Variants in RABGAP1L observed in about 807,000 individuals in gnomAD.
RABGAP1L encodes rab GTPase-activating protein 1-like.
In RABGAP1L, 63 loss-of-function variants were observed where a neutral mutation model predicts 137.7. The observed-to-expected ratio is 0.46, with a 90% CI of 0.37 to 0.56. The LOEUF (loss-of-function observed/expected upper bound fraction) is 0.56, where lower values mean the gene tolerates loss of function less well. Among genes scored for constraint, RABGAP1L ranks in the 20% least tolerant of loss-of-function variants. RABGAP1L has a pLI of 0.00. For synonymous variants in RABGAP1L, 431 were observed against 433.7 expected (o/e 0.99, Z 0.08); for missense variants, 1,095 against 1,244.0 (o/e 0.88, Z 1.80).
At chr1:174,833,225 G>A (rs868375798) in intron 19 of RABGAP1L, among the ~76,000 whole-genome samples, 12 of 150,504 alleles carry the variant, frequency 8.0e-5, no homozygotes, top group Non-Finnish European at 1.3e-4. Flanking sequence ...TCTGAGACAG[G>A]GTGTCACTCC....
At chr1:174,765,681 C>T (rs965052373) in intron 18 of RABGAP1L, among the ~76,000 whole-genome samples, 2 of 151,988 alleles carry the variant, frequency 1.3e-5, no homozygotes, top group Admixed American at 6.6e-5. Context: ...CTGGGTATTG[C>T]CTCCCATTCT....
chr1:174,361,115 C>G (rs991255862), intron 11 of RABGAP1L, among the ~76,000 whole-genome samples: 1 of 152,110 alleles, frequency 6.6e-6, no homozygotes, highest in Non-Finnish European at 1.5e-5. Flanking sequence ...CGAGATGGCA[C>G]CATTGCACAC....
chr1:174,288,864 A>G (rs143266993), intron 10 of RABGAP1L, among the ~76,000 whole-genome samples: 178 of 152,248 alleles, frequency 1.2e-3, no homozygotes, highest in African/African-American at 3.6e-3. Flanking sequence ...ATGGTGTTCC[A>G]GGTATCCTGT....
At chr1:174,530,625 G>A (rs1664306977) in intron 13 of RABGAP1L, among the ~76,000 whole-genome samples, 1 of 152,144 alleles carries the variant, frequency 6.6e-6, no homozygotes, top group African/African-American at 2.4e-5. Context: ...TCCCAGCCAA[G>A]CAGTCTGCCT....
intron 11 of RABGAP1L, among the ~76,000 whole-genome samples, chr1:174,331,439 A>G (rs1207971461): frequency 6.6e-6 from 1 of 152,226 alleles, no homozygotes; most frequent in Non-Finnish European, 1.5e-5. Flanking sequence ...TTCAATAGCA[A>G]AAAACCCCAA....
chr1:174,732,349 A>C (rs1682556481), intron 17 of RABGAP1L, among the ~76,000 whole-genome samples: 1 of 152,252 alleles, frequency 6.6e-6, no homozygotes, highest in African/African-American at 2.4e-5. Context: ...CGGAGCAGAT[A>C]GTTTAGCTTA....
intron 13 of RABGAP1L, among the ~76,000 whole-genome samples, chr1:174,608,778 C>A (rs1441470515): frequency 6.6e-6 from 1 of 152,058 alleles, no homozygotes; most frequent in African/African-American, 2.4e-5. Context: ...CCTAAAAGTA[C>A]TGTACAGACT....
chr1:174,386,221 C>T (rs1019142632), intron 12 of RABGAP1L, among the ~76,000 whole-genome samples: 1 of 152,150 alleles, frequency 6.6e-6, no homozygotes, highest in Non-Finnish European at 1.5e-5. Context: ...GTTCTAAGCA[C>T]TCTCCATGTG....
rs572812312 is a variant in RABGAP1L at position 174,662,686 on chromosome 1, G to A, written c.1825-20836G>A. Among the ~76,000 whole-genome samples the A allele has an allele frequency of 4.6e-5, 7 of 152,282 alleles. No individual in the cohort carries two copies. The South Asian group carries it at 1.5e-3, about 32-fold the overall frequency. On this transcript the variant is annotated intron_variant, in intron 14 of 25. Coordinates refer to ENST00000681986, the MANE Select transcript of RABGAP1L (RefSeq NM_001366446.1). ...TGGGATTACAGGCATTAGCCACTGT[G>A]CCCGGCCAAGAAGGCATTTTTACCA...
chr1:174,581,418 C>G (rs1358159693), intron 13 of RABGAP1L, among the ~76,000 whole-genome samples: 1 of 152,084 alleles, frequency 6.6e-6, no homozygotes, highest in Non-Finnish European at 1.5e-5. Flanking sequence ...AGATGCTAAG[C>G]GAATGAAATG....
intron 19 of RABGAP1L, among the ~76,000 whole-genome samples, chr1:174,942,673 C>T (rs1666092062): frequency 6.6e-6 from 1 of 152,202 alleles, no homozygotes; most frequent in Non-Finnish European, 1.5e-5. Flanking sequence ...GCATATAGCA[C>T]TCAGTGCCTG....
intron 13 of RABGAP1L, among the ~76,000 whole-genome samples, chr1:174,525,347 A>G (rs1370413227): frequency 6.6e-6 from 1 of 152,002 alleles, no homozygotes; most frequent in Non-Finnish European, 1.5e-5. Flanking sequence ...TTTTTGGTAG[A>G]GATTTTTCAC....
intron 19 of RABGAP1L, among the ~76,000 whole-genome samples, chr1:174,896,171 G>A (rs1004387439): frequency 1.1e-4 from 17 of 152,222 alleles, no homozygotes; most frequent in African/African-American, 2.9e-4. Context: ...TGTGGTTTTG[G>A]TTTGCATTTC....
intron 17 of RABGAP1L, among the ~76,000 whole-genome samples, chr1:174,713,619 CTG>C (rs972952779): frequency 1.3e-5 from 2 of 152,176 alleles, no homozygotes; most frequent in Non-Finnish European, 2.9e-5. Flanking sequence ...TGTCCTTCCA[CTG>C]TGATAGTAAG....
chr1:174,828,514 T>C lies in RABGAP1L; in HGVS notation c.2340+16554T>C, dbSNP rs1464277005. On this transcript the variant is annotated intron_variant, in intron 19 of 25. Transcript: ENST00000681986. ...CTGGAGAAGGCAGAGGCTTTGGGAG[T>C]GGACAAGTCTAGGTTTGAATTCTGG... Among the ~76,000 whole-genome samples the C allele has an allele frequency of 2.7e-5, 4 of 147,972 alleles. 2 individuals carry two copies. The highest frequency in any genetic ancestry group is 9.9e-5 in the African/African-American group (4 of 40,560).
At chr1:174,668,799 A>G (rs61826952) in intron 14 of RABGAP1L, among the ~76,000 whole-genome samples, 16,334 of 152,182 alleles carry the variant, frequency 0.11, 991 homozygotes, top group East Asian at 0.22. Flanking sequence ...GATAATAGCT[A>G]TTCTAACAGG....
intron 20 of RABGAP1L, among the ~76,000 whole-genome samples, chr1:174,963,178 G>C (rs1021938475): frequency 2.0e-5 from 3 of 151,960 alleles, no homozygotes; most frequent in African/African-American, 7.3e-5. Context: ...AAACTGTGTT[G>C]GCTTTTGGAA....
At chr1:174,631,779 A>AGCCTG (rs1557927116) in intron 13 of RABGAP1L, among the ~76,000 whole-genome samples, 6 of 149,792 alleles carry the variant, frequency 4.0e-5, no homozygotes, top group African/African-American at 1.2e-4. Flanking sequence ...TTTTGAGCCT[A>AGCCTG]TGTATGTCTC....
chr1:174,393,919 T>C, intron 12 of RABGAP1L, 76 bp from the exon 13 acceptor site: 1 of 1,502,180 alleles, frequency 6.7e-7, no homozygotes, highest in South Asian at 1.3e-5. Context: ...TTATATAAAC[T>C]AGTATACTTT....
Sources: allele counts gnomAD v4.1 joint callset (sites outside exome capture counted in the v4.1 genomes callset), GRCh38; gene constraint gnomAD v4.1.1; transcripts MANE v1.5; gene names NCBI Gene and HGNC (gene_info 2026-07-23, HGNC 2026-07-21).